The following LPP variants were observed in gnomAD, a reference collection of about 807,000 sequenced individuals.
LPP encodes LIM domain containing preferred translocation partner in lipoma.
A neutral mutation model predicts 60.4 loss-of-function variants in LPP; 38 were observed. The observed-to-expected ratio is 0.63, with a 90% CI of 0.49 to 0.83. The LOEUF is 0.83. LPP is among the 40% of genes least tolerant of loss of function. The pLI is 0.00. For missense variants in LPP, 902 were observed against 783.6 expected, an observed-to-expected ratio of 1.15 and a Z score of -1.80; for synonymous variants, 328 against 290.8, an observed-to-expected ratio of 1.13 and a Z score of -1.30.
At chr3:188,721,056 G>C (rs1374707696) in intron 8 of LPP, among the ~76,000 whole-genome samples, 1 of 152,146 alleles carries the variant, frequency 6.6e-6, no homozygotes, top group Non-Finnish European at 1.5e-5. Flanking sequence ...TCAGTCATTA[G>C]TGAGCATCTT....
rs1553936326 is a variant in LPP at position 188,592,551 on chromosome 3, G to GTTTTTTTTTTTTTTTT, written c.430-16605_430-16604insTTTTTTTTTTTTTTTT. On this transcript the variant is annotated intron_variant, in intron 6 of 11. Transcript: ENST00000617246. ...AATGAGTATCACTGTTTTTAGTTTT[G>GTTTTTTTTTTTTTTTT]TTTTTGTTTTTTAAATGGAGTCTCA... Among the ~76,000 whole-genome samples the GTTTTTTTTTTTTTTTT allele has an allele frequency of 8.3e-4, 81 of 98,156 alleles. 1 individual carries two copies. Among genetic ancestry groups the GTTTTTTTTTTTTTTTT allele is most frequent in the Middle Eastern group, 6.8e-3 (1 of 146 alleles). The allele number at this position is 98,156 out of a possible 152,430, so 64.4% of individuals were successfully genotyped here. A position where few individuals can be genotyped will look rare whatever the true frequency, so the allele number is the denominator to read the frequency against.
chr3:188,852,809 G>A (rs908926869), intron 9 of LPP, among the ~76,000 whole-genome samples: 1 of 152,106 alleles, frequency 6.6e-6, no homozygotes, highest in Non-Finnish European at 1.5e-5. Flanking sequence ...GGACTTCAAA[G>A]GTATGTATTT....
chr3:188,534,910 A>G (rs1823155649), intron 6 of LPP, among the ~76,000 whole-genome samples: 1 of 152,212 alleles, frequency 6.6e-6, no homozygotes, highest in Non-Finnish European at 1.5e-5. Flanking sequence ...TCTTCACACT[A>G]TGGAAAAATT....
At chr3:188,388,902 C>T (rs1157064658) in intron 3 of LPP, among the ~76,000 whole-genome samples, 1 of 152,074 alleles carries the variant, frequency 6.6e-6, no homozygotes, top group African/African-American at 2.4e-5. Flanking sequence ...GCTGCAAAAG[C>T]ATCAATAGAC....
chr3:188,530,901 T>G (rs1579691194), intron 6 of LPP, among the ~76,000 whole-genome samples: 1 of 152,310 alleles, frequency 6.6e-6, no homozygotes, highest in East Asian at 1.9e-4. Flanking sequence ...CTAGAAGCTA[T>G]GCAGGGGTTG....
chr3:188,425,691 C>A (rs947178740), intron 4 of LPP, among the ~76,000 whole-genome samples: 1 of 152,082 alleles, frequency 6.6e-6, no homozygotes, highest in Non-Finnish European at 1.5e-5. Flanking sequence ...GTCTATGTGT[C>A]GCAGAATTTA....
At chr3:188,225,604 T>A (rs774179716) in intron 2 of LPP, 77 bp downstream of exon 2, 4 of 152,240 alleles carry the variant, frequency 2.6e-5, no homozygotes, top group Non-Finnish European at 5.9e-5. Context: ...TAAACATCAG[T>A]GTTTTCCACT....
At chr3:188,791,993 T>TA (rs1279423776) in intron 9 of LPP, among the ~76,000 whole-genome samples, 1 of 152,150 alleles carries the variant, frequency 6.6e-6, no homozygotes, top group Admixed American at 6.5e-5. Flanking sequence ...GGATGAGCTC[T>TA]AGTGAGTAAG....
At chr3:188,344,262 A>T (rs1343937662) in intron 3 of LPP, among the ~76,000 whole-genome samples, 1 of 152,180 alleles carries the variant, frequency 6.6e-6, no homozygotes, top group East Asian at 1.9e-4. Flanking sequence ...TTTGGTGGAA[A>T]CAGTCCTAGT....
chr3:188,515,697 T>C lies in LPP; in HGVS notation c.307-8968T>C, dbSNP rs57145745. Among the ~76,000 whole-genome samples, 38 of 152,352 alleles carry C rather than the reference T, an allele frequency of 2.5e-4. No homozygotes were observed. The East Asian group carries it at 6.9e-3, about 28-fold the overall frequency. ...ACAACTTTTCCCACTGCCTTTAACA[T>C]GTGGAGAAGATGTCCTTCTCGGATA... On this transcript the variant is annotated intron_variant, in intron 5 of 11. Coordinates refer to ENST00000617246, the MANE Select transcript of LPP (RefSeq NM_001375462.1).
chr3:188,611,872 CCCCCACTGCTA>C (rs1366129228), intron 7 of LPP, among the ~76,000 whole-genome samples: 1 of 152,190 alleles, frequency 6.6e-6, no homozygotes, highest in Non-Finnish European at 1.5e-5. Flanking sequence ...AAAGAATCAG[CCCCCACTGCTA>C]GAACTGGATC....
intron 10 of LPP, among the ~76,000 whole-genome samples, chr3:188,869,488 A>T (rs1407244320): frequency 6.6e-6 from 1 of 152,072 alleles, no homozygotes; most frequent in African/African-American, 2.4e-5. Context: ...ACAAGGTTTC[A>T]CCATGTTGGC....
At chr3:188,765,927 G>A (rs963428322) in intron 9 of LPP, among the ~76,000 whole-genome samples, 6 of 138,158 alleles carry the variant, frequency 4.3e-5, no homozygotes, top group Non-Finnish European at 7.6e-5. Flanking sequence ...CTGGAGTGCA[G>A]TGGTATGATC....
At chr3:188,163,355 A>AC (rs796592273) in intron 1 of LPP, among the ~76,000 whole-genome samples, 16 of 152,204 alleles carry the variant, frequency 1.1e-4, no homozygotes, top group African/African-American at 3.4e-4. Context: ...GGATGCTTTG[A>AC]CCTGCCTCCA....
At chr3:188,415,379 A>G (rs1276967404) in intron 4 of LPP, among the ~76,000 whole-genome samples, 23 of 152,258 alleles carry the variant, frequency 1.5e-4, no homozygotes, top group Non-Finnish European at 1.2e-4. Flanking sequence ...CTTTGGCGGT[A>G]TTTTACAAAA....
chr3:188,793,462 A>G (rs974838085), intron 9 of LPP, among the ~76,000 whole-genome samples: 1 of 152,112 alleles, frequency 6.6e-6, no homozygotes, highest in Non-Finnish European at 1.5e-5. Flanking sequence ...GATTACAAGC[A>G]TGAGCCACCA....
chr3:188,802,501 G>T (rs1027228535), intron 9 of LPP, among the ~76,000 whole-genome samples: 4 of 152,188 alleles, frequency 2.6e-5, no homozygotes, highest in Non-Finnish European at 5.9e-5. Context: ...TAGCTTTAAT[G>T]GCTGGGCACG....
intron 3 of LPP, among the ~76,000 whole-genome samples, chr3:188,367,743 A>G (rs965813413): frequency 2.6e-5 from 4 of 152,170 alleles, no homozygotes; most frequent in African/African-American, 9.7e-5. Context: ...CCCATTGTGG[A>G]GATTCTTGAT....
rs183044242 is a variant in LPP, at chr3:188,504,867, A to G, written c.307-19798A>G. Among the ~76,000 whole-genome samples, 439 of 152,110 alleles carry G rather than the reference A, an allele frequency of 2.9e-3. 1 individual carries two copies. The highest frequency in any genetic ancestry group is 4.2e-3 in the Non-Finnish European group (283 of 68,008). ...CAGCTGGAGTGAGAGGGGCAACACTAATGATAGTTGCCCCTTTTTCTTTAT... is the reference window on the plus strand; with the variant it reads ...CAGCTGGAGTGAGAGGGGCAACACTGATGATAGTTGCCCCTTTTTCTTTAT... On this transcript the variant is annotated intron_variant, in intron 5 of 11. Coordinates refer to ENST00000617246, the MANE Select transcript of LPP (RefSeq NM_001375462.1).
Sources: allele counts gnomAD v4.1 joint callset (sites outside exome capture counted in the v4.1 genomes callset), GRCh38; gene constraint gnomAD v4.1.1; transcripts MANE v1.5; gene names NCBI Gene and HGNC (gene_info 2026-07-23, HGNC 2026-07-21).